ADAMTSL1: variants seen among roughly 807,000 people sequenced by gnomAD.
ADAMTSL1 encodes the protein ADAMTS-like protein 1.
ADAMTSL1 carries 126 observed loss-of-function variants against 201.8 expected under a neutral mutation model. That is an observed-to-expected ratio of 0.62 (90% CI 0.54 to 0.72). ADAMTSL1 has a LOEUF of 0.72. Ranked by LOEUF, ADAMTSL1 falls within the 30% of genes least tolerant of loss-of-function variation. The pLI is 0.00. For synonymous variants in ADAMTSL1, 1,121 were observed against 903.4 expected (o/e 1.24, Z -4.32); for missense variants, 2,679 against 2,277.8 (o/e 1.18, Z -3.59).
At chr9:17,993,707 A>T (rs1327216551) in intron 1 of ADAMTSL1, among the ~76,000 whole-genome samples, 1 of 152,186 alleles carries the variant, frequency 6.6e-6, no homozygotes, top group African/African-American at 2.4e-5. Flanking sequence ...TTTCTAATAC[A>T]GAGTATCATT....
chr9:18,010,280 C>A (rs1819997584), intron 1 of ADAMTSL1, among the ~76,000 whole-genome samples: 1 of 151,940 alleles, frequency 6.6e-6, no homozygotes, highest in African/African-American at 2.4e-5. Flanking sequence ...GAAAACTTAG[C>A]AAACAATAAC....
intron 2 of ADAMTSL1, among the ~76,000 whole-genome samples, chr9:18,198,905 T>G (rs1200956825): frequency 7.1e-6 from 1 of 141,686 alleles, no homozygotes; most frequent in East Asian, 2.0e-4. Flanking sequence ...GTGGCACATA[T>G]ACACCATGGA....
intron 1 of ADAMTSL1, among the ~76,000 whole-genome samples, chr9:17,917,625 T>C (rs180808721): frequency 0.012 from 1,755 of 152,130 alleles, 23 homozygotes; most frequent in Middle Eastern, 0.024. Flanking sequence ...TCTATGTCCA[T>C]GAGGAATAAG....
chr9:18,503,419 G>GTATATATATATATA (rs1206500089), intron 1 of ADAMTSL1, among the ~76,000 whole-genome samples: 2 of 58,240 alleles, frequency 3.4e-5, no homozygotes, highest in African/African-American at 1.2e-4. Context: ...GTATTCCATT[G>GTATATATATATATA]TGTATATATA....
At chr9:18,212,120 A>C (rs959480128) in intron 2 of ADAMTSL1, among the ~76,000 whole-genome samples, 1 of 152,202 alleles carries the variant, frequency 6.6e-6, no homozygotes, top group Non-Finnish European at 1.5e-5. Context: ...AATCTGGACA[A>C]GGTGTGTGTA....
intron 2 of ADAMTSL1, among the ~76,000 whole-genome samples, chr9:18,296,517 A>G (rs1354450461): frequency 3.3e-5 from 5 of 152,174 alleles, no homozygotes; most frequent in African/African-American, 9.6e-5. Flanking sequence ...TTATATATCT[A>G]TATTAAATAT....
chr9:18,420,629 C>G (rs1033070595), intron 2 of ADAMTSL1, among the ~76,000 whole-genome samples: 7 of 152,014 alleles, frequency 4.6e-5, no homozygotes, highest in Non-Finnish European at 8.8e-5. Context: ...TCTTTCAGTG[C>G]TATTGCTGGT....
At chr9:18,400,212 A>T (rs1012136792) in intron 2 of ADAMTSL1, among the ~76,000 whole-genome samples, 2 of 116,064 alleles carry the variant, frequency 1.7e-5, no homozygotes, top group Non-Finnish European at 3.8e-5. Context: ...ATACTTTTAC[A>T]TTATTGTCCT....
chr9:18,047,588 C>T (rs1184099661), intron 1 of ADAMTSL1, among the ~76,000 whole-genome samples: 1 of 151,802 alleles, frequency 6.6e-6, no homozygotes, highest in African/African-American at 2.4e-5. Context: ...AAAGAGGGGG[C>T]ATTTGTTGGC....
At chr9:18,198,468 C>T (rs1829285242) in intron 2 of ADAMTSL1, among the ~76,000 whole-genome samples, 1 of 149,844 alleles carries the variant, frequency 6.7e-6, no homozygotes, top group Non-Finnish European at 1.5e-5. Context: ...AGACACTTCT[C>T]AAAAGGAGAC....
At chr9:18,341,189 C>T (rs549445219) in intron 2 of ADAMTSL1, among the ~76,000 whole-genome samples, 11 of 152,252 alleles carry the variant, frequency 7.2e-5, no homozygotes, top group Non-Finnish European at 1.5e-4. Context: ...ACATGATTTG[C>T]AAGGCTCCTC....
At chr9:18,408,873 A>T (rs73643270) in intron 2 of ADAMTSL1, among the ~76,000 whole-genome samples, 3,455 of 152,288 alleles carry the variant, frequency 0.023, 150 homozygotes, top group African/African-American at 0.079. Context: ...GTGCTAACTG[A>T]ACCTAAACCT....
chr9:18,793,398 G>A (rs1822175261), intron 19 of ADAMTSL1: 1 of 152,258 alleles, frequency 6.6e-6, no homozygotes, highest in African/African-American at 2.4e-5. Flanking sequence ...CATACAGCCT[G>A]GAGAGACCCG....
intron 1 of ADAMTSL1, among the ~76,000 whole-genome samples, chr9:18,087,539 T>C (rs1275702436): frequency 6.6e-6 from 1 of 152,134 alleles, no homozygotes; most frequent in South Asian, 2.1e-4. Context: ...TTCTTATTAA[T>C]AGATCTAGAG....
At chr9:18,892,714 G>C in intron 26 of ADAMTSL1, 118 bp downstream of exon 26, 3 of 1,204,118 alleles carry the variant, frequency 2.5e-6, no homozygotes, top group Non-Finnish European at 3.4e-6. Context: ...ATTCTGATTG[G>C]CCAGGCATAG....
chr9:18,226,658 G>C (rs1444266601), intron 2 of ADAMTSL1, among the ~76,000 whole-genome samples: 1 of 152,026 alleles, frequency 6.6e-6, no homozygotes, highest in Non-Finnish European at 1.5e-5. Flanking sequence ...TGGTGTTTGA[G>C]GCTCTCCCCA....
At chr9:18,365,330 T>C (rs1162165452) in intron 2 of ADAMTSL1, among the ~76,000 whole-genome samples, 2 of 152,046 alleles carry the variant, frequency 1.3e-5, no homozygotes, top group Admixed American at 6.5e-5. Flanking sequence ...TATGTTTCCA[T>C]TAATAACAAT....
At chr9:18,144,483 G>T (rs932265923) in intron 1 of ADAMTSL1, among the ~76,000 whole-genome samples, 8 of 152,082 alleles carry the variant, frequency 5.3e-5, no homozygotes, top group African/African-American at 1.9e-4. Flanking sequence ...TGGGATTACA[G>T]GCACGAGCCA....
At chr9:18,415,998 A>G (rs754833536) in intron 2 of ADAMTSL1, among the ~76,000 whole-genome samples, 1 of 152,060 alleles carries the variant, frequency 6.6e-6, no homozygotes, top group East Asian at 1.9e-4. Context: ...TTCAGACATG[A>G]AAAGCTAAAA....
Sources: allele counts gnomAD v4.1 joint callset (sites outside exome capture counted in the v4.1 genomes callset), GRCh38; gene constraint gnomAD v4.1.1; transcripts MANE v1.5; gene names NCBI Gene and HGNC (gene_info 2026-07-23, HGNC 2026-07-21).